The following CNTNAP3B variants were observed in gnomAD, a reference collection of about 807,000 sequenced individuals.
CNTNAP3B encodes the protein contactin associated protein family member 3B, also known as contactin-associated protein-like 3B.
In CNTNAP3B, 25 loss-of-function variants were observed where a neutral mutation model predicts 108.9. The ratio of observed to expected loss-of-function variants is 0.23; its 90% CI spans 0.17 to 0.32. CNTNAP3B has a LOEUF of 0.32. CNTNAP3B is among the 10% of genes least tolerant of loss of function. The pLI is 1.00. For synonymous variants in CNTNAP3B, 103 were observed against 473.4 expected (o/e 0.22, Z 10.16); for missense variants, 252 against 1,210.4 (o/e 0.21, Z 11.75).
At chr9:42,042,460 A>T (rs1468200621) in intron 3 of CNTNAP3B, among the ~76,000 whole-genome samples, 283 of 140,640 alleles carry the variant, frequency 2.0e-3, no homozygotes, top group African/African-American at 7.6e-3. Flanking sequence ...TTCTGCACTC[A>T]TGAATCCAAC....
chr9:42,053,865 C>G (rs1448212989), intron 3 of CNTNAP3B, among the ~76,000 whole-genome samples: 1 of 145,476 alleles, frequency 6.9e-6, no homozygotes, highest in Non-Finnish European at 1.5e-5. Context: ...TTTGAGACAG[C>G]GATGCGCTGC....
At chr9:42,104,290 C>A (rs1828058852) in intron 2 of CNTNAP3B, among the ~76,000 whole-genome samples, 2 of 60,726 alleles carry the variant, frequency 3.3e-5, no homozygotes, top group African/African-American at 4.8e-5. Flanking sequence ...CAAAAGAATC[C>A]AAGGTAAAAA....
chr9:41,917,435 G>C lies in CNTNAP3B; in HGVS notation c.2995+2635C>G, dbSNP rs1156880826. On this transcript the variant is annotated intron_variant, in intron 18 of 23. Transcript: ENST00000377561. ...TCCAAATAGAAATCAGTTCACTTGGGGAGGGCTACCAAGCTGTGTATTTTC... is the reference window on the plus strand; with the variant it reads ...TCCAAATAGAAATCAGTTCACTTGGCGAGGGCTACCAAGCTGTGTATTTTC... Among the ~76,000 whole-genome samples the C allele has an allele frequency of 2.1e-5, 3 of 141,106 alleles. 1 individual carries two copies. The highest frequency in any genetic ancestry group is 4.6e-5 in the Non-Finnish European group (3 of 65,292). The allele number at this position is 141,106 out of a possible 152,430, so 92.6% of individuals were successfully genotyped here.
At chr9:42,004,992 ATCTTTCCTCTCTATTTCTTT>A (rs1826067183) in intron 4 of CNTNAP3B, among the ~76,000 whole-genome samples, 1 of 49,470 alleles carries the variant, frequency 2.0e-5, no homozygotes, top group Non-Finnish European at 4.4e-5. Flanking sequence ...TTCATGCATG[ATCTTTCCTCTCTATTTCTTT>A]TCTTTCCTCT....
intron 1 of CNTNAP3B, among the ~76,000 whole-genome samples, chr9:42,128,064 G>A (rs1359608177): frequency 1.4e-5 from 2 of 138,980 alleles, no homozygotes; most frequent in African/African-American, 2.9e-5. Flanking sequence ...GATTTGAGAA[G>A]GAGGAGGAAG....
intron 2 of CNTNAP3B, among the ~76,000 whole-genome samples, chr9:42,088,703 C>T (rs1373224094): frequency 3.7e-5 from 5 of 136,748 alleles, no homozygotes; most frequent in African/African-American, 1.5e-4. Context: ...AATAGAATGC[C>T]ATTGGACTTA....
rs549747153 is a variant in CNTNAP3B, at chr9:42,129,147, G to A, written c.-53C>T. 1 of 1,520,322 alleles carries A rather than the reference G, an allele frequency of 6.6e-7. No homozygotes were observed. The highest frequency in any genetic ancestry group is 2.5e-5 in the East Asian group (1 of 40,300). 94.2% of individuals were successfully genotyped at this position (1,520,322 alleles called of 1,614,324 possible). Reference sequence around the variant, plus strand: ...CCGGGCACGGCGACGGCCGCTCTGCGTCGTTCCTGCTCTCACTCCCGCTCT... The same window carrying A: ...CCGGGCACGGCGACGGCCGCTCTGCATCGTTCCTGCTCTCACTCCCGCTCT... On this transcript the variant is annotated 5_prime_UTR_variant, in exon 1 of 24. In the 5' UTR this introduces an upstream ATG that the reference lacks. Transcript: ENST00000377561.
At chr9:42,088,646 T>C (rs1314005732) in intron 2 of CNTNAP3B, among the ~76,000 whole-genome samples, 1 of 138,494 alleles carries the variant, frequency 7.2e-6, no homozygotes, top group African/African-American at 2.9e-5. Context: ...ATTTGTAACA[T>C]ATTCACATTG....
chr9:42,127,560 T>C (rs1237711458), intron 1 of CNTNAP3B, among the ~76,000 whole-genome samples: 2 of 139,862 alleles, frequency 1.4e-5, no homozygotes, highest in Non-Finnish European at 3.1e-5. Context: ...CATGCCTTTC[T>C]ATAAGTAACT....
intron 14 of CNTNAP3B, among the ~76,000 whole-genome samples, chr9:41,931,561 G>A (rs1446019399): frequency 1.3e-5 from 2 of 151,844 alleles, no homozygotes; most frequent in Non-Finnish European, 2.9e-5. Context: ...TAATGGTAAA[G>A]AAAGCTTATT....
At chr9:41,927,694 G>C (rs1823859028) in intron 15 of CNTNAP3B, among the ~76,000 whole-genome samples, 1 of 152,084 alleles carries the variant, frequency 6.6e-6, no homozygotes, top group African/African-American at 2.4e-5. Context: ...GCTAAAATAT[G>C]AGATAAACAG....
At position 41,951,366 on chromosome 9, in the gene CNTNAP3B, A is replaced by AT. The variant is rs1258576749; in HGVS notation, c.2080+1816dup. 3.9e-4 allele frequency among the ~76,000 whole-genome samples: 38 copies of AT among 98,060 alleles called. 7 individuals carry two copies. Among genetic ancestry groups the AT allele is most frequent in the African/African-American group, 7.1e-4 (19 of 26,706 alleles). 64.3% of individuals were successfully genotyped at this position (98,060 alleles called of 152,430 possible). A position where few individuals can be genotyped will look rare whatever the true frequency, so the allele number is the denominator to read the frequency against. ...GTAGTTTCCAAAAGATCACCTGGGG[A>AT]TTTTTTTTTTAAACGATTCCAAAGC... On this transcript the variant is annotated intron_variant, in intron 13 of 23. Coordinates refer to ENST00000377561, the MANE Select transcript of CNTNAP3B (RefSeq NM_001201380.3).
At position 41,961,958 on chromosome 9, in the gene CNTNAP3B, T is replaced by C. The variant is rs571571663; in HGVS notation, c.1757-1066A>G. Reference sequence around the variant, plus strand: ...ATAGATACATATATTTGTATATGTCTGGTAGGATTCACTCAAATTAATAAC... The same window carrying C: ...ATAGATACATATATTTGTATATGTCCGGTAGGATTCACTCAAATTAATAAC... On this transcript the variant is annotated intron_variant, in intron 11 of 23. Transcript: ENST00000377561. Among the ~76,000 whole-genome samples, 850 of 152,302 alleles carry C rather than the reference T, an allele frequency of 5.6e-3. 3 individuals are homozygous for C. The highest frequency in any genetic ancestry group is 0.02 in the African/African-American group (811 of 41,504).
rs370524229 is a variant in CNTNAP3B at position 42,076,300 on chromosome 9, C to T, written c.390+569G>A. ...AATTAGCCAAGTGTGGTGGCACATGCCTGTAGTCCCAGCTACTAAGGAGGC... is the reference window on the plus strand; with the variant it reads ...AATTAGCCAAGTGTGGTGGCACATGTCTGTAGTCCCAGCTACTAAGGAGGC... On this transcript the variant is annotated intron_variant, in intron 3 of 23. Transcript: ENST00000377561. 2.3e-4 allele frequency among the ~76,000 whole-genome samples: 29 copies of T among 126,758 alleles called. 2 individuals carry two copies. Among genetic ancestry groups the T allele is most frequent in the East Asian group, 2.0e-3 (8 of 4,084 alleles). The allele number at this position is 126,758 out of a possible 152,430, so 83.2% of individuals were successfully genotyped here.
chr9:41,928,536 G>C (rs1193890929), intron 15 of CNTNAP3B, among the ~76,000 whole-genome samples: 1 of 152,194 alleles, frequency 6.6e-6, no homozygotes, highest in African/African-American at 2.4e-5. Flanking sequence ...GGTATTAGGG[G>C]ATGGAGACAC....
In CNTNAP3B at chr9:42,117,140, T is replaced by A. The variant is rs373379067; in HGVS notation, c.85+11870A>T. Reference sequence around the variant, plus strand: ...ACAAGACAGAAAGTTAAAAAGGATATCCAGGAATTGAACTCAGCTCTGCAC... The same window carrying A: ...ACAAGACAGAAAGTTAAAAAGGATAACCAGGAATTGAACTCAGCTCTGCAC... On this transcript the variant is annotated intron_variant, in intron 1 of 23. Coordinates refer to ENST00000377561, the MANE Select transcript of CNTNAP3B (RefSeq NM_001201380.3). Among the ~76,000 whole-genome samples, 3 of 136,288 alleles carry A rather than the reference T, an allele frequency of 2.2e-5. 1 individual carries two copies. The highest frequency in any genetic ancestry group is 4.7e-5 in the Non-Finnish European group (3 of 64,352). The allele number at this position is 136,288 out of a possible 152,430, so 89.4% of individuals were successfully genotyped here.
intron 17 of CNTNAP3B, among the ~76,000 whole-genome samples, chr9:41,921,410 C>A (rs1341099993): frequency 6.6e-6 from 1 of 151,680 alleles, no homozygotes; most frequent in Non-Finnish European, 1.5e-5. Flanking sequence ...TATAACACCC[C>A]ATCCACATCC....
chr9:42,095,870 T>C (rs1459562065), intron 2 of CNTNAP3B, among the ~76,000 whole-genome samples: 1 of 137,194 alleles, frequency 7.3e-6, no homozygotes, highest in Non-Finnish European at 1.6e-5. Context: ...GGGGAGTGTG[T>C]TCAAGCCCCA....
In CNTNAP3B at chr9:42,105,764, T is replaced by A. The variant is rs539514763; in HGVS notation, c.86-1025A>T. Among the ~76,000 whole-genome samples the A allele has an allele frequency of 1.2e-3, 116 of 99,960 alleles. 10 individuals carry two copies. The highest frequency in any genetic ancestry group is 6.1e-3 in the Admixed American group (59 of 9,630). The allele number at this position is 99,960 out of a possible 152,430, so 65.6% of individuals were successfully genotyped here. Reference sequence around the variant, plus strand: ...TTCAGGCATGTCATATATTTTGTCATAAAAAGGGTACCTCTTCCAGCATGG... The same window carrying A: ...TTCAGGCATGTCATATATTTTGTCAAAAAAAGGGTACCTCTTCCAGCATGG... On this transcript the variant is annotated intron_variant, in intron 1 of 23. Transcript: ENST00000377561.
Sources: gnomAD v4.1 joint callset for allele counts (sites outside exome capture counted in the v4.1 genomes callset) on GRCh38, gnomAD v4.1.1 for gene constraint, MANE v1.5 for transcripts, NCBI Gene and HGNC (gene_info 2026-07-23, HGNC 2026-07-21) for gene names.